Variants in LAPTM4B observed in about 807,000 individuals in gnomAD.
The protein encoded by LAPTM4B is lysosomal-associated transmembrane protein 4B.
A neutral mutation model predicts 28.5 loss-of-function variants in LAPTM4B; 26 were observed. The observed-to-expected ratio is 0.91, with a 90% CI of 0.67 to 1.27. LAPTM4B has a LOEUF of 1.27. LAPTM4B is among the 50% of genes most tolerant of loss of function. The probability of loss-of-function intolerance (pLI) is 0.00; values close to 1 mark genes in which losing one functional copy is unlikely to be tolerated. For missense variants in LAPTM4B, 288 were observed against 285.8 expected, an observed-to-expected ratio of 1.01 and a Z score of -0.06; for synonymous variants, 109 against 106.4, an observed-to-expected ratio of 1.02 and a Z score of -0.15.
intron 1 of LAPTM4B, among the ~76,000 whole-genome samples, chr8:97,784,489 G>C (rs575905704): frequency 5.9e-5 from 9 of 152,264 alleles, no homozygotes; most frequent in Admixed American, 2.0e-4. Flanking sequence ...ACCCAGGCTG[G>C]AGTGCAGTGG....
chr8:97,805,014 T>G (rs1263972788), intron 1 of LAPTM4B, among the ~76,000 whole-genome samples: 1 of 152,214 alleles, frequency 6.6e-6, no homozygotes, highest in Non-Finnish European at 1.5e-5. Context: ...GGAAAGTTTT[T>G]GTGCTTTTTC....
chr8:97,824,128 T>C (rs918609386), intron 5 of LAPTM4B, among the ~76,000 whole-genome samples: 1 of 152,182 alleles, frequency 6.6e-6, no homozygotes, highest in Non-Finnish European at 1.5e-5. Flanking sequence ...AATGCTGCTG[T>C]GAACATTCAA....
rs1176218610 is a variant in LAPTM4B, at chr8:97,777,137, G to GTTTTTTTTTTTT, written c.99+1045_99+1056dup. ...AGCATATATAACTTTTTTCAGTGAGGTTTTTTTTTTTTTTTTTTTTTTTTT... is the reference window on the plus strand; with the variant it reads ...AGCATATATAACTTTTTTCAGTGAGGTTTTTTTTTTTTTTTTTTTTTTTTTTTTTTTTTTTTT... On this transcript the variant is annotated intron_variant, in intron 1 of 6. Coordinates refer to ENST00000521545, the MANE Select transcript of LAPTM4B (RefSeq NM_018407.6). Among the ~76,000 whole-genome samples the GTTTTTTTTTTTT allele has an allele frequency of 7.2e-4, 60 of 83,854 alleles. 4 individuals carry two copies. Among genetic ancestry groups the GTTTTTTTTTTTT allele is most frequent in the Middle Eastern group, 9.8e-3 (1 of 102 alleles). 55.0% of individuals were successfully genotyped at this position (83,854 alleles called of 152,430 possible).
intron 4 of LAPTM4B, among the ~76,000 whole-genome samples, chr8:97,817,338 ATGT>A (rs1300896784): frequency 6.6e-6 from 1 of 151,400 alleles, no homozygotes; most frequent in African/African-American, 2.4e-5. Context: ...GGGTTTCACC[ATGT>A]TGCCCAGGCT....
chr8:97,841,533 G>C (rs536781548), intron 6 of LAPTM4B, among the ~76,000 whole-genome samples: 1 of 152,286 alleles, frequency 6.6e-6, no homozygotes, highest in African/African-American at 2.4e-5. Context: ...TCACCATGTT[G>C]GCTAGGCTGG....
At chr8:97,815,952 TC>T (rs1563612533) in intron 3 of LAPTM4B, 105 bp from the exon 4 acceptor site, 5 of 1,139,748 alleles carry the variant, frequency 4.4e-6, no homozygotes, top group East Asian at 2.8e-5. Context: ...GTTAATGAAT[TC>T]CAATTTTTCC....
chr8:97,792,108 A>G (rs896850112), intron 1 of LAPTM4B, among the ~76,000 whole-genome samples: 4 of 152,238 alleles, frequency 2.6e-5, no homozygotes, highest in Non-Finnish European at 5.9e-5. Context: ...TTTTTCCCTC[A>G]GAGTCTATAA....
chr8:97,849,065 T>C (rs1448472666), intron 6 of LAPTM4B, among the ~76,000 whole-genome samples: 1 of 152,192 alleles, frequency 6.6e-6, no homozygotes, highest in Non-Finnish European at 1.5e-5. Flanking sequence ...TCCAACTTCA[T>C]CTCTGCAACA....
intron 1 of LAPTM4B, among the ~76,000 whole-genome samples, chr8:97,794,371 G>A (rs986882497): frequency 1.3e-5 from 2 of 152,024 alleles, no homozygotes; most frequent in African/African-American, 4.8e-5. Context: ...TTCAGCCTCC[G>A]AAAGTGCTGG....
At chr8:97,843,584 A>T (rs575868840) in intron 6 of LAPTM4B, among the ~76,000 whole-genome samples, 8 of 152,294 alleles carry the variant, frequency 5.3e-5, no homozygotes, top group Middle Eastern at 6.8e-3. Context: ...TTGAGAGACC[A>T]GCCTGGCCAA....
intron 1 of LAPTM4B, among the ~76,000 whole-genome samples, chr8:97,791,253 C>T (rs951379418): frequency 3.3e-5 from 5 of 152,134 alleles, no homozygotes; most frequent in African/African-American, 1.2e-4. Flanking sequence ...CCATCCTGAA[C>T]TCGGCTCTGG....
chr8:97,833,126 G>A (rs1299584072), intron 6 of LAPTM4B, among the ~76,000 whole-genome samples: 1 of 151,396 alleles, frequency 6.6e-6, no homozygotes, highest in Non-Finnish European at 1.5e-5. Flanking sequence ...TTGAGGTCGG[G>A]AGTTTGAGAC....
intron 1 of LAPTM4B, among the ~76,000 whole-genome samples, chr8:97,777,751 A>G (rs560650005): frequency 1.4e-4 from 21 of 152,376 alleles, no homozygotes; most frequent in African/African-American, 5.0e-4. Flanking sequence ...GAACATCAGC[A>G]TATTAGCTAA....
chr8:97,803,016 C>T (rs866244089), intron 1 of LAPTM4B, among the ~76,000 whole-genome samples: 65 of 151,746 alleles, frequency 4.3e-4, no homozygotes, highest in African/African-American at 1.2e-3. Flanking sequence ...CTGACCAAGA[C>T]GGTGAAACCC....
chr8:97,792,857 C>T (rs1210395759), intron 1 of LAPTM4B, among the ~76,000 whole-genome samples: 4 of 152,062 alleles, frequency 2.6e-5, no homozygotes, highest in Admixed American at 1.3e-4. Context: ...GGATTACAGG[C>T]GTGAGCCATT....
At chr8:97,846,663 C>A (rs900443980) in intron 6 of LAPTM4B, among the ~76,000 whole-genome samples, 1 of 152,136 alleles carries the variant, frequency 6.6e-6, no homozygotes, top group African/African-American at 2.4e-5. Flanking sequence ...ATAGTTCTTC[C>A]CTCCTGAGCA....
intron 1 of LAPTM4B, among the ~76,000 whole-genome samples, chr8:97,789,250 T>A (rs1402659730): frequency 3.3e-5 from 5 of 151,318 alleles, no homozygotes; most frequent in African/African-American, 9.7e-5. Flanking sequence ...ATTTTTTGTA[T>A]TTTTAGTAGA....
At chr8:97,808,498 C>T (rs1816785838) in intron 2 of LAPTM4B, among the ~76,000 whole-genome samples, 1 of 151,944 alleles carries the variant, frequency 6.6e-6, no homozygotes, top group Non-Finnish European at 1.5e-5. Flanking sequence ...TAATCCTGTC[C>T]ACACATGAGT....
At position 97,817,716 on chromosome 8, in the gene LAPTM4B, CTAG is replaced by C. The variant is rs1816943386; in HGVS notation, c.409-1423_409-1421del. Among the ~76,000 whole-genome samples the C allele has an allele frequency of 2.0e-5, 3 of 151,984 alleles. No homozygotes were observed. The South Asian group carries it at 6.2e-4, about 32-fold the overall frequency. On this transcript the variant is annotated intron_variant, in intron 4 of 6. Coordinates refer to ENST00000521545, the MANE Select transcript of LAPTM4B (RefSeq NM_018407.6). ...CCACCCTCATCGGCCTCCCAGAGTG[CTAG>C]GAATACAGGCGCCCACTACCATGCC...
Sources: allele counts gnomAD v4.1 joint callset (sites outside exome capture counted in the v4.1 genomes callset), GRCh38; gene constraint gnomAD v4.1.1; transcripts MANE v1.5; gene names NCBI Gene and HGNC (gene_info 2026-07-23, HGNC 2026-07-21).